The following KIF23 variants were observed in gnomAD, a reference collection of about 807,000 sequenced individuals.
KIF23 encodes kinesin-like protein KIF23.
A neutral mutation model predicts 137.5 loss-of-function variants in KIF23; 30 were observed. That is an observed-to-expected ratio of 0.22 (90% confidence interval 0.16 to 0.30). The LOEUF is 0.30. Among genes scored for constraint, KIF23 ranks in the 10% least tolerant of loss-of-function variants. KIF23 has a pLI of 1.00. For synonymous variants in KIF23, 367 were observed against 391.1 expected (o/e 0.94, Z 0.73); for missense variants, 920 against 1,194.3 (o/e 0.77, Z 3.38).
At chr15:69,416,436 A>G (rs918556228) in intron 2 of KIF23, among the ~76,000 whole-genome samples, 23 of 152,240 alleles carry the variant, frequency 1.5e-4, no homozygotes, top group African/African-American at 2.4e-5. Context: ...TCTTGGGACC[A>G]AGTTTAATTC....
intron 13 of KIF23, 114 bp from the exon 14 acceptor site, chr15:69,436,024 C>T (rs143328392): frequency 2.1e-6 from 3 of 1,401,848 alleles, no homozygotes; most frequent in Non-Finnish European, 2.9e-6. Flanking sequence ...GCACTCCAGC[C>T]TGGTGACAGA....
intron 3 of KIF23, among the ~76,000 whole-genome samples, 163 bp from the exon 4 acceptor site, chr15:69,421,484 A>T (rs1206792562): frequency 6.6e-6 from 1 of 152,242 alleles, no homozygotes; most frequent in African/African-American, 2.4e-5. Flanking sequence ...ATGACTTTTT[A>T]GTAACTAAAT....
chr15:69,425,167 A>G, intron 7 of KIF23, 115 bp from the exon 8 acceptor site: 1 of 742,006 alleles, frequency 1.3e-6, no homozygotes, highest in Non-Finnish European at 2.2e-6. Context: ...AAACTATTAC[A>G]AGTGGAGGGT....
intron 22 of KIF23, 70 bp downstream of exon 22, chr15:69,446,434 T>C: frequency 8.5e-7 from 1 of 1,182,888 alleles, no homozygotes; most frequent in Non-Finnish European, 1.3e-6. Flanking sequence ...CCCACAGCTC[T>C]AGATTTTTAT....
intron 20 of KIF23, 41 bp from the exon 21 acceptor site, chr15:69,445,968 G>T (rs1402530693): frequency 7.5e-7 from 1 of 1,340,596 alleles, no homozygotes; most frequent in Admixed American, 1.8e-5. Flanking sequence ...TTTCGTTTGG[G>T]TGTATCAATG....
chr15:69,423,534 G>A (rs1193091461), intron 7 of KIF23, among the ~76,000 whole-genome samples: 2 of 152,160 alleles, frequency 1.3e-5, no homozygotes, highest in African/African-American at 4.8e-5. Flanking sequence ...GGAACTAGTG[G>A]GTTAAAGCAT....
Position 69,430,791 on chromosome 15 carries a change from T to G in KIF23, c.1114+1578T>G, listed in dbSNP as rs147108054. On this transcript the variant is annotated intron_variant, in intron 11 of 23. Coordinates refer to ENST00000679126, the MANE Select transcript of KIF23 (RefSeq NM_001367805.3). Reference sequence around the variant, plus strand: ...AAGGAATAATGTTAGCTGCCAACTATTAAGGGTCTAGTGTGTATGATAGTA... The same window carrying G: ...AAGGAATAATGTTAGCTGCCAACTAGTAAGGGTCTAGTGTGTATGATAGTA... Among the ~76,000 whole-genome samples the G allele has an allele frequency of 1.3e-3, 194 of 152,276 alleles. 1 individual carries two copies. Among genetic ancestry groups the G allele is most frequent in the African/African-American group, 4.3e-3 (179 of 41,548 alleles).
At chr15:69,419,821 A>G (rs2057008909) in intron 3 of KIF23, among the ~76,000 whole-genome samples, 1 of 152,182 alleles carries the variant, frequency 6.6e-6, no homozygotes, top group African/African-American at 2.4e-5. Flanking sequence ...TAATATAGTT[A>G]AACACTGATT....
chr15:69,430,225 C>A (rs2057322967), intron 11 of KIF23, among the ~76,000 whole-genome samples: 1 of 151,856 alleles, frequency 6.6e-6, no homozygotes. Context: ...GTCCTGTTAC[C>A]TTTTTGTAGT....
Position 69,417,443 on chromosome 15 carries a change from A to G in KIF23, c.142A>G (p.Asn48Asp). The G allele has an allele frequency of 6.2e-7, 1 of 1,613,902 alleles. No individual in the cohort carries two copies. Among genetic ancestry groups the G allele is most frequent in the Non-Finnish European group, 8.5e-7 (1 of 1,179,848 alleles). The change falls in exon 3 of 24, where the codon AAT becomes GAT. Residue 48 changes from asparagine (N) to aspartate (D), a missense_variant. By Grantham distance (23) the Asn-to-Asp change is conservative (BLOSUM62 1). Around this residue, in one of 4 missense-constraint regions of KIF23, gnomAD observed 124 missense variants for 122.0 expected, o/e 1.02. Coordinates refer to ENST00000679126, the MANE Select transcript of KIF23 (RefSeq NM_001367805.3). ...PDQECCIEVI[N>D]NTTVQLHTPE... The stretch of plus-strand genomic sequence containing the variant: ...TCAAGAGTGTTGCATAGAAGTGATC[A>G]ATAATACAACTGTTCAGCTTCATAC...
At chr15:69,418,004 C>T (rs2056961924) in intron 3 of KIF23, among the ~76,000 whole-genome samples, 1 of 152,068 alleles carries the variant, frequency 6.6e-6, no homozygotes, top group South Asian at 2.1e-4. Context: ...ATGACATACT[C>T]CTTGCCTTTA....
Position 69,423,344 on chromosome 15 carries a change from G to T in KIF23, c.734+15G>T. 6.6e-7 allele frequency: 1 copy of T among 1,515,116 alleles called. No individual in the cohort carries two copies. The highest frequency in any genetic ancestry group is 1.3e-5 in the South Asian group (1 of 75,374). The allele number at this position is 1,515,116 out of a possible 1,614,324, so 93.9% of individuals were successfully genotyped here. On this transcript the variant is annotated intron_variant, in intron 7 of 23. Transcript: ENST00000679126. ...ATAAAACCCAAGTAAGTAATAAAGA[G>T]AGCCCCTTCTTAGCTGTTAATGTTG...
intron 3 of KIF23, 108 bp downstream of exon 3, chr15:69,417,619 G>C: frequency 8.1e-7 from 1 of 1,234,392 alleles, no homozygotes; most frequent in Non-Finnish European, 1.1e-6. Context: ...ATTTTCAAAA[G>C]ACTTATTTAC....
At chr15:69,423,435 T>C in intron 7 of KIF23, 106 bp downstream of exon 7, 1 of 697,668 alleles carries the variant, frequency 1.4e-6, no homozygotes, top group Non-Finnish European at 2.3e-6. Context: ...TGCTTGCATT[T>C]GTTTTCAGAA....
Position 69,444,456 on chromosome 15 carries a change from A to G in KIF23, c.2422-334A>G, listed in dbSNP as rs1446669148. 4.2e-6 allele frequency: 1 copy of G among 238,418 alleles called. No individual in the cohort carries two copies. The highest frequency in any genetic ancestry group is 1.1e-4 in the East Asian group (1 of 9,068). The allele number at this position is 238,418 out of a possible 1,614,324, so 14.8% of individuals were successfully genotyped here. On this transcript the variant is annotated intron_variant, in intron 19 of 23. Coordinates refer to ENST00000679126, the MANE Select transcript of KIF23 (RefSeq NM_001367805.3). This position sits in a 1 kb window ranked among gnomAD's most constrained non-coding sequence, Gnocchi z 4.2. ...TGGACATAATAGATTACCTCTCAAT[A>G]GCAGGGATAAATATTGGTTTTTGAT...
At chr15:69,424,277 A>G (rs1000437287) in intron 7 of KIF23, among the ~76,000 whole-genome samples, 7 of 152,210 alleles carry the variant, frequency 4.6e-5, no homozygotes, top group Non-Finnish European at 7.3e-5. Context: ...CATCACGTTT[A>G]TTGGGAAAAC....
chr15:69,415,968 A>G, intron 1 of KIF23, 26 bp from the exon 2 acceptor site: 2 of 1,511,462 alleles, frequency 1.3e-6, no homozygotes, highest in Non-Finnish European at 1.8e-6. Flanking sequence ...AAAAAAAGTT[A>G]TTATTATTTT....
chr15:69,424,312 A>C (rs1033203214), intron 7 of KIF23, among the ~76,000 whole-genome samples: 1 of 152,206 alleles, frequency 6.6e-6, no homozygotes, highest in Non-Finnish European at 1.5e-5. Context: ...TAAGTAAGCT[A>C]AATGTAAAAA....
chr15:69,435,120 C>T lies in KIF23; in HGVS notation c.1115-363C>T, dbSNP rs1389289438. On this transcript the variant is annotated intron_variant, in intron 11 of 23. Coordinates refer to ENST00000679126, the MANE Select transcript of KIF23 (RefSeq NM_001367805.3). Reference sequence around the variant, plus strand: ...GGTGGCCTGGGGGTCGCCATGATTCCTGTCAATTGCCTAGAGAATATATTT... The same window carrying T: ...GGTGGCCTGGGGGTCGCCATGATTCTTGTCAATTGCCTAGAGAATATATTT... 8 of 472,042 alleles carry T rather than the reference C, an allele frequency of 1.7e-5. No individual in the cohort carries two copies. In the East Asian group the frequency reaches 2.5e-4, roughly 15 times the overall value. 29.2% of individuals were successfully genotyped at this position (472,042 alleles called of 1,614,324 possible). A position where few individuals can be genotyped will look rare whatever the true frequency, so the allele number is the denominator to read the frequency against.
Sources: gnomAD v4.1 joint callset for allele counts (sites outside exome capture counted in the v4.1 genomes callset) on GRCh38, gnomAD v4.1.1 for gene constraint, gnomAD v4.1.1 regional missense constraint, Gnocchi (gnomAD v3.1) non-coding constraint, MANE v1.5 for transcripts, NCBI Gene and HGNC (gene_info 2026-07-23, HGNC 2026-07-21) for gene names.